ALG9: variants seen among roughly 807,000 people sequenced by gnomAD.
The protein encoded by ALG9 is ALG9 alpha-1,2-mannosyltransferase.
In ALG9, 55 loss-of-function variants were observed where a neutral mutation model predicts 81.8. The observed-to-expected ratio is 0.67, with a 90% CI of 0.54 to 0.84. ALG9 has a LOEUF of 0.84. ALG9 is among the 40% of genes least tolerant of loss of function. ALG9 has a pLI of 0.00. For synonymous variants in ALG9, 278 were observed against 274.3 expected, an observed-to-expected ratio of 1.01 and a Z score of -0.13; for missense variants, 629 against 745.0, an observed-to-expected ratio of 0.84 and a Z score of 1.81.
intron 3 of ALG9, among the ~76,000 whole-genome samples, chr11:111,867,076 C>T (rs1962731712): frequency 6.6e-6 from 1 of 152,222 alleles, no homozygotes; most frequent in Non-Finnish European, 1.5e-5. Context: ...GCCTGGGCGA[C>T]AGAGTGAGAC....
chr11:111,818,414 C>A (rs2136536254), intron 13 of ALG9, among the ~76,000 whole-genome samples: 1 of 152,230 alleles, frequency 6.6e-6, no homozygotes, highest in South Asian at 2.1e-4. Context: ...ATGCAGTCTG[C>A]CCTAGATCAA....
intron 14 of ALG9, among the ~76,000 whole-genome samples, chr11:111,793,642 T>TGGGCGGGTAG (rs1565612924): frequency 3.3e-5 from 5 of 151,350 alleles, no homozygotes; most frequent in Admixed American, 6.6e-5. Flanking sequence ...GTGCCTGTAG[T>TGGGCGGGTAG]CCCAGCTACC....
the ALG9 span, among the ~76,000 whole-genome samples, chr11:111,776,685 C>G: frequency 6.6e-6 from 1 of 152,148 alleles, no homozygotes; most frequent in Non-Finnish European, 1.5e-5. Context: ...TAAGATTGAG[C>G]TCAAAGGAGG....
At chr11:111,796,401 T>C (rs1410223290) in intron 14 of ALG9, among the ~76,000 whole-genome samples, 4 of 152,206 alleles carry the variant, frequency 2.6e-5, no homozygotes, top group African/African-American at 9.6e-5. Context: ...TTACATGCTC[T>C]TCAAACCTGA....
At chr11:111,853,301 AGG>A in intron 8 of ALG9, 77 bp downstream of exon 8, 1 of 929,568 alleles carries the variant, frequency 1.1e-6, no homozygotes, top group East Asian at 2.4e-5. Context: ...TAATAATACG[AGG>A]CAACTGAATT....
chr11:111,775,296 C>T, the ALG9 span, among the ~76,000 whole-genome samples: 1 of 152,180 alleles, frequency 6.6e-6, no homozygotes, highest in Non-Finnish European at 1.5e-5. Flanking sequence ...ATCTACTCAG[C>T]AGAACTGGTA....
chr11:111,858,402 T>C (rs1307522318), intron 5 of ALG9, among the ~76,000 whole-genome samples: 1 of 152,226 alleles, frequency 6.6e-6, no homozygotes, highest in Admixed American at 6.5e-5. Flanking sequence ...CTTAGAGCCA[T>C]TGCTGACAAT....
At chr11:111,832,404 TA>T (rs1333665521) in intron 13 of ALG9, among the ~76,000 whole-genome samples, 1 of 152,038 alleles carries the variant, frequency 6.6e-6, no homozygotes, top group East Asian at 1.9e-4. Flanking sequence ...AGCCTTTGAG[TA>T]GTTAGGACTA....
In ALG9 at chr11:111,853,655, T is replaced by A; in HGVS notation, c.783A>T (p.Leu261=). The change falls in exon 7 of 15, where the codon CTA becomes CTT. Residue 261 remains leucine, a synonymous_variant. Coordinates refer to ENST00000616540, the MANE Select transcript of ALG9 (RefSeq NM_024740.2). ...AGTAAAAAAGAAAACTCACCAGAAA[T>A]AGTATGAGGGCCATCAGCGACCAAT... ...FFHWSLMALI[L]FLVPVVVIDS... 1 of 1,613,840 alleles carries A rather than the reference T, an allele frequency of 6.2e-7. No homozygotes were observed. Among genetic ancestry groups the A allele is most frequent in the Non-Finnish European group, 8.5e-7 (1 of 1,179,896 alleles).
intron 8 of ALG9, among the ~76,000 whole-genome samples, chr11:111,846,835 G>A (rs1389814124): frequency 6.6e-6 from 1 of 152,178 alleles, no homozygotes; most frequent in Non-Finnish European, 1.5e-5. Context: ...CTGCTGCTCA[G>A]AAAACATCAG....
At chr11:111,791,225 G>C (rs782560763) in intron 14 of ALG9, among the ~76,000 whole-genome samples, 7 of 152,142 alleles carry the variant, frequency 4.6e-5, no homozygotes, top group Non-Finnish European at 7.4e-5. Context: ...TCTTCTCAAA[G>C]GGCTAATAAG....
In ALG9 at chr11:111,836,273, T is replaced by C. The variant is rs374442576; in HGVS notation, c.1494A>G (p.Pro498=). ...TTGGTAACTGACCTCTGAACTCTGATGGAATGAACTGAAGCTGCCAACTGT... is the reference window on the plus strand; with the variant it reads ...TTGGTAACTGACCTCTGAACTCTGACGGAATGAACTGAAGCTGCCAACTGT... The part of the protein sequence containing the change: ...LPDNWQLQFI[P]SEFRGQLPKP... Residue 498 remains proline (P), a synonymous_variant, in exon 13 of 15, where the codon CCA becomes CCG. Coordinates refer to ENST00000616540, the MANE Select transcript of ALG9 (RefSeq NM_024740.2). 6.6e-5 allele frequency: 107 copies of C among 1,614,100 alleles called. No individual in the cohort carries two copies. Among genetic ancestry groups the C allele is most frequent in the Non-Finnish European group, 8.5e-5 (100 of 1,180,004 alleles).
chr11:111,786,733 C>A (rs1946526213), intron 14 of ALG9, among the ~76,000 whole-genome samples: 1 of 152,084 alleles, frequency 6.6e-6, no homozygotes, highest in Non-Finnish European at 1.5e-5. Context: ...ATTATTGTCC[C>A]TAATAAGCCA....
chr11:111,833,010 T>G (rs1954643443), intron 13 of ALG9, among the ~76,000 whole-genome samples: 1 of 152,168 alleles, frequency 6.6e-6, no homozygotes, highest in African/African-American at 2.4e-5. Context: ...CCAGCCTGGG[T>G]GACAGAGCAA....
At chr11:111,810,095 T>A (rs897610850) in intron 13 of ALG9, among the ~76,000 whole-genome samples, 10 of 152,178 alleles carry the variant, frequency 6.6e-5, no homozygotes, top group African/African-American at 2.4e-4. Flanking sequence ...TTCTGCTCAC[T>A]ACTGCTCTCT....
intron 14 of ALG9, among the ~76,000 whole-genome samples, chr11:111,808,047 T>C (rs688095): frequency 0.71 from 108,158 of 152,112 alleles, 39,211 homozygotes; most frequent in African/African-American, 0.86. Context: ...TCCAGCGTCG[T>C]GACAGAGTGA....
chr11:111,825,931 G>A (rs1023898019), intron 13 of ALG9, among the ~76,000 whole-genome samples: 3 of 151,678 alleles, frequency 2.0e-5, no homozygotes, highest in Admixed American at 6.6e-5. Flanking sequence ...GCATGGCGGC[G>A]CATGCCTTCA....
intron 5 of ALG9, 21 bp from the exon 6 acceptor site, chr11:111,857,758 A>G: frequency 6.2e-7 from 1 of 1,613,746 alleles, no homozygotes; most frequent in Non-Finnish European, 8.5e-7. Context: ...AAAGAAGTGA[A>G]AAAAGGCAGG....
chr11:111,797,030 G>A (rs1482907327), intron 14 of ALG9, among the ~76,000 whole-genome samples: 2 of 152,174 alleles, frequency 1.3e-5, no homozygotes, highest in Non-Finnish European at 2.9e-5. Flanking sequence ...TGCCTCTTCT[G>A]TAAGAAATCA....
Sources: gnomAD v4.1 joint callset for allele counts (sites outside exome capture counted in the v4.1 genomes callset) on GRCh38, gnomAD v4.1.1 for gene constraint, MANE v1.5 for transcripts, NCBI Gene and HGNC (gene_info 2026-07-23, HGNC 2026-07-21) for gene names.